Variants in LINGO2 observed in about 807,000 individuals in gnomAD.
LINGO2 encodes the protein leucine rich repeat and Ig domain containing 2.
Under a neutral mutation model 30.6 loss-of-function variants are expected in LINGO2, and 14 were observed. The ratio of observed to expected loss-of-function variants is 0.46; its 90% confidence interval spans 0.30 to 0.72. The LOEUF (loss-of-function observed/expected upper bound fraction) is 0.72, where lower values mean the gene tolerates loss of function less well. Among genes scored for constraint, LINGO2 ranks in the 30% least tolerant of loss-of-function variants. The pLI is 0.07. For synonymous variants in LINGO2, 317 were observed against 288.5 expected (o/e 1.10, Z -1.00); for missense variants, 729 against 751.7 (o/e 0.97, Z 0.35).
the LINGO2 span, among the ~76,000 whole-genome samples, chr9:28,779,869 T>G: frequency 6.6e-6 from 1 of 152,140 alleles, no homozygotes; most frequent in African/African-American, 2.4e-5. Flanking sequence ...GCTCTATTAT[T>G]TCACCTCTAT....
At chr9:28,332,615 A>G (rs1825463118) in intron 3 of LINGO2, among the ~76,000 whole-genome samples, 1 of 152,010 alleles carries the variant, frequency 6.6e-6, no homozygotes, top group African/African-American at 2.4e-5. Context: ...GAATGGGGAA[A>G]AGGTTTTGTA....
intron 4 of LINGO2, among the ~76,000 whole-genome samples, chr9:28,150,972 G>T (rs10968353): frequency 0.044 from 6,695 of 152,164 alleles, 478 homozygotes; most frequent in African/African-American, 0.15. Context: ...TATCCTTAAA[G>T]AAACACACAA....
chr9:28,774,904 C>T, the LINGO2 span, among the ~76,000 whole-genome samples: 3 of 152,128 alleles, frequency 2.0e-5, no homozygotes, highest in Non-Finnish European at 4.4e-5. Flanking sequence ...AGCGCTGGAC[C>T]TTAAACTTGA....
chr9:28,500,236 G>C (rs73439376), intron 1 of LINGO2, among the ~76,000 whole-genome samples: 1 of 152,022 alleles, frequency 6.6e-6, no homozygotes, highest in Non-Finnish European at 1.5e-5. Context: ...GAAGTTGGGG[G>C]CTTTCACACC....
chr9:28,433,857 C>T (rs1342867595), intron 2 of LINGO2, among the ~76,000 whole-genome samples: 1 of 151,030 alleles, frequency 6.6e-6, no homozygotes, highest in East Asian at 1.9e-4. Context: ...TTTGCAACTG[C>T]AAAGATATAG....
At chr9:29,048,464 A>G in the LINGO2 span, among the ~76,000 whole-genome samples, 1 of 152,132 alleles carries the variant, frequency 6.6e-6, no homozygotes, top group Admixed American at 6.5e-5. Flanking sequence ...AGAAATAGAA[A>G]AAAAAATCCT....
chr9:28,290,177 T>TGAC (rs1823668033), intron 4 of LINGO2, among the ~76,000 whole-genome samples: 2 of 152,214 alleles, frequency 1.3e-5, no homozygotes, highest in Non-Finnish European at 2.9e-5. Flanking sequence ...ATAGAAGATA[T>TGAC]GACAACTGAA....
chr9:28,459,207 G>A (rs1042695808), intron 2 of LINGO2, among the ~76,000 whole-genome samples: 2 of 151,644 alleles, frequency 1.3e-5, no homozygotes, highest in Non-Finnish European at 2.9e-5. Flanking sequence ...CCACCATGAT[G>A]TTATGGTTCT....
chr9:28,108,822 T>C (rs957947074), intron 4 of LINGO2, among the ~76,000 whole-genome samples: 1 of 152,150 alleles, frequency 6.6e-6, no homozygotes, highest in Non-Finnish European at 1.5e-5. Context: ...ATCCATGTTT[T>C]GTAGATGAGG....
intron 4 of LINGO2, among the ~76,000 whole-genome samples, chr9:28,119,527 A>C (rs1827032102): frequency 6.6e-6 from 1 of 152,204 alleles, no homozygotes. Flanking sequence ...GGATGTGCTG[A>C]TTCAGGCATC....
intron 1 of LINGO2, among the ~76,000 whole-genome samples, chr9:28,527,787 G>C (rs1189571469): frequency 6.6e-6 from 1 of 152,152 alleles, no homozygotes; most frequent in African/African-American, 2.4e-5. Context: ...GGCAGGGACT[G>C]GTGTCTTGTT....
the LINGO2 span, among the ~76,000 whole-genome samples, chr9:28,973,918 C>T: frequency 2.6e-5 from 4 of 152,094 alleles, no homozygotes; most frequent in African/African-American, 4.8e-5. Flanking sequence ...TCAGAAGAAA[C>T]GAACATTAAT....
the LINGO2 span, among the ~76,000 whole-genome samples, chr9:28,761,912 A>T: frequency 2.4e-4 from 36 of 152,116 alleles, no homozygotes; most frequent in Middle Eastern, 3.4e-3. Flanking sequence ...GGCTATATAA[A>T]GGGTGAGGTT....
chr9:28,226,364 G>C (rs910465699), intron 4 of LINGO2, among the ~76,000 whole-genome samples: 1 of 151,820 alleles, frequency 6.6e-6, no homozygotes, highest in Non-Finnish European at 1.5e-5. Flanking sequence ...TCCTACTTCT[G>C]GTAGAGTAGA....
chr9:28,883,720 C>A, the LINGO2 span, among the ~76,000 whole-genome samples: 117,529 of 138,104 alleles, frequency 0.85, 50,226 homozygotes, highest in Non-Finnish European at 0.89. Flanking sequence ...CTTTGTCACC[C>A]AGGCTGAAGT....
At chr9:28,807,086 G>A in the LINGO2 span, among the ~76,000 whole-genome samples, 167 of 151,820 alleles carry the variant, frequency 1.1e-3, 1 homozygote, top group Middle Eastern at 0.01. Context: ...GTGCAGTGGC[G>A]CAATTTCAGC....
chr9:28,014,918 CA>C (rs1822750630), intron 4 of LINGO2, among the ~76,000 whole-genome samples: 1 of 152,090 alleles, frequency 6.6e-6, no homozygotes, highest in Admixed American at 6.6e-5. Context: ...TAAATTCCAT[CA>C]AATTATTACA....
chr9:27,959,159 TTTC>T (rs2118534090), intron 5 of LINGO2, among the ~76,000 whole-genome samples: 1 of 152,270 alleles, frequency 6.6e-6, no homozygotes, highest in East Asian at 1.9e-4. Context: ...GAGTTGTGCC[TTTC>T]TTTTCTCTTG....
intron 4 of LINGO2, among the ~76,000 whole-genome samples, chr9:28,072,222 A>T (rs1825499919): frequency 6.6e-6 from 1 of 152,196 alleles, no homozygotes; most frequent in South Asian, 2.1e-4. Context: ...TGCACACAAC[A>T]TGGAGAATCT....
Sources: gnomAD v4.1 joint callset for allele counts (sites outside exome capture counted in the v4.1 genomes callset) on GRCh38, gnomAD v4.1.1 for gene constraint, MANE v1.5 for transcripts, NCBI Gene and HGNC (gene_info 2026-07-23, HGNC 2026-07-21) for gene names.